The following CACNA1D variants were observed in gnomAD, a reference collection of about 807,000 sequenced individuals.
CACNA1D encodes the protein calcium voltage-gated channel subunit alpha1 D.
Under a neutral mutation model 257.1 loss-of-function variants are expected in CACNA1D, and 55 were observed. The observed-to-expected ratio is 0.21, with a 90% CI of 0.17 to 0.27. The LOEUF (loss-of-function observed/expected upper bound fraction) is 0.27. CACNA1D is among the 10% of genes least tolerant of loss of function. CACNA1D has a pLI of 1.00. For synonymous variants in CACNA1D, 980 were observed against 1,014.9 expected (o/e 0.97, Z 0.65); for missense variants, 1,876 against 2,784.0 (o/e 0.67, Z 7.34).
chr3:53,770,333 C>A, intron 31 of CACNA1D, 91 bp from the exon 32 acceptor site: 1 of 1,223,966 alleles, frequency 8.2e-7, no homozygotes, highest in Non-Finnish European at 1.2e-6. Flanking sequence ...CAGTTCTTAC[C>A]TCTGTCACCT....
chr3:53,608,952 T>A (rs2093548565), intron 3 of CACNA1D, among the ~76,000 whole-genome samples: 1 of 152,240 alleles, frequency 6.6e-6, no homozygotes, highest in Admixed American at 6.5e-5. Flanking sequence ...TTTCTTTAAA[T>A]GTCTGGTATT....
chr3:53,510,545 A>C (rs188709150), intron 3 of CACNA1D, among the ~76,000 whole-genome samples: 196 of 152,356 alleles, frequency 1.3e-3, no homozygotes, highest in East Asian at 1.9e-3. Flanking sequence ...TTCTTTGTGC[A>C]TGCAAGAAAA....
intron 3 of CACNA1D, among the ~76,000 whole-genome samples, chr3:53,613,691 GTCT>G (rs2093606770): frequency 6.6e-6 from 1 of 151,994 alleles, no homozygotes; most frequent in Non-Finnish European, 1.5e-5. Flanking sequence ...CAATGGAAAT[GTCT>G]TCTTGTCCCA....
chr3:53,521,712 C>G (rs933175670), intron 3 of CACNA1D, among the ~76,000 whole-genome samples: 1 of 152,162 alleles, frequency 6.6e-6, no homozygotes, highest in Non-Finnish European at 1.5e-5. Flanking sequence ...TTTGTCCTTT[C>G]TTCCAGAAGG....
chr3:53,757,679 C>T (rs1455242380), intron 29 of CACNA1D, among the ~76,000 whole-genome samples: 1 of 152,208 alleles, frequency 6.6e-6, no homozygotes, highest in Non-Finnish European at 1.5e-5. Flanking sequence ...ATATTTCTGC[C>T]TCATTTCCTG....
intron 3 of CACNA1D, among the ~76,000 whole-genome samples, chr3:53,634,164 G>C (rs1016864858): frequency 4.6e-5 from 7 of 152,174 alleles, no homozygotes; most frequent in Non-Finnish European, 8.8e-5. Flanking sequence ...AAATCAAGTG[G>C]CTTGACAATT....
chr3:53,745,068 TTTTA>T (rs2095154564), intron 23 of CACNA1D, among the ~76,000 whole-genome samples: 1 of 152,194 alleles, frequency 6.6e-6, no homozygotes, highest in African/African-American at 2.4e-5. Context: ...TTTATTACCT[TTTTA>T]TTAGTAGTTC....
chr3:53,752,278 G>A (rs1366237832), intron 28 of CACNA1D, among the ~76,000 whole-genome samples: 1 of 152,098 alleles, frequency 6.6e-6, no homozygotes, highest in African/African-American at 2.4e-5. Context: ...TGTGACTTGG[G>A]GAAAGTTGTT....
intron 8 of CACNA1D, among the ~76,000 whole-genome samples, chr3:53,693,498 T>G (rs952054103): frequency 6.6e-6 from 1 of 151,952 alleles, no homozygotes; most frequent in African/African-American, 2.4e-5. Context: ...CCTAGTTTCC[T>G]TGAACAGAAA....
At chr3:53,764,307 C>G (rs3774569) in intron 30 of CACNA1D, among the ~76,000 whole-genome samples, 102,538 of 152,064 alleles carry the variant, frequency 0.67, 35,223 homozygotes, top group African/African-American at 0.75. Context: ...ACATCTGCCA[C>G]CTTAATCATC....
intron 33 of CACNA1D, chr3:53,773,761 C>T (rs1217705123): frequency 6.6e-6 from 1 of 151,832 alleles, no homozygotes; most frequent in African/African-American, 2.4e-5. Context: ...AGTCAGCATA[C>T]TTGAGCCTCT....
intron 5 of CACNA1D, among the ~76,000 whole-genome samples, chr3:53,660,551 G>A (rs3774518): frequency 6.6e-6 from 1 of 152,150 alleles, no homozygotes; most frequent in Non-Finnish European, 1.5e-5. Context: ...GAGACCTTGG[G>A]TTCAGGCCTT....
intron 3 of CACNA1D, among the ~76,000 whole-genome samples, chr3:53,592,708 G>GT (rs111929661): frequency 0.051 from 7,339 of 143,828 alleles, 399 homozygotes; most frequent in African/African-American, 0.13. Flanking sequence ...CCCTAGTTCT[G>GT]TTTTTTTTTT....
At chr3:53,540,247 T>TC (rs2092260966) in intron 3 of CACNA1D, among the ~76,000 whole-genome samples, 1 of 151,760 alleles carries the variant, frequency 6.6e-6, no homozygotes. Flanking sequence ...GCCTCCTGAG[T>TC]AGTGGGGATT....
At position 53,781,555 on chromosome 3, in the gene CACNA1D, T is replaced by A; in HGVS notation, c.4691-11T>A. 6.3e-7 allele frequency: 1 copy of A among 1,596,476 alleles called. No individual in the cohort carries two copies. The highest frequency in any genetic ancestry group is 1.1e-5 in the South Asian group (1 of 90,746). On this transcript the variant is annotated splice_polypyrimidine_tract_variant and intron_variant, in intron 38 of 47. Transcript: ENST00000350061. ...GAGGCTTGCTTTTCCCCTTTTGTTT[T>A]TTGAATCCAGGGAACCTGGAGCAAG...
chr3:53,589,766 T>G (rs536892551), intron 3 of CACNA1D, among the ~76,000 whole-genome samples: 57 of 152,336 alleles, frequency 3.7e-4, no homozygotes, highest in African/African-American at 1.3e-3. Context: ...TGTGCCATTG[T>G]GCCTGGCCTT....
chr3:53,706,275 G>A (rs1018121536), intron 9 of CACNA1D, among the ~76,000 whole-genome samples: 8 of 152,312 alleles, frequency 5.3e-5, no homozygotes, highest in South Asian at 2.1e-4. Flanking sequence ...CCTGATAGCC[G>A]AGCCTCAGCC....
intron 46 of CACNA1D, 85 bp from the exon 47 acceptor site, chr3:53,809,893 C>T (rs758098705): frequency 7.0e-6 from 9 of 1,282,774 alleles, no homozygotes; most frequent in Middle Eastern, 1.8e-4. Context: ...GCGAGCGCAG[C>T]GCCGGTGCTT....
At chr3:53,777,932 C>T (rs1007042049) in intron 37 of CACNA1D, among the ~76,000 whole-genome samples, 1 of 152,222 alleles carries the variant, frequency 6.6e-6, no homozygotes, top group East Asian at 1.9e-4. Context: ...GAAATTCATA[C>T]AGTCTGCATA....
Sources: allele counts gnomAD v4.1 joint callset (sites outside exome capture counted in the v4.1 genomes callset), GRCh38; gene constraint gnomAD v4.1.1; transcripts MANE v1.5; gene names NCBI Gene and HGNC (gene_info 2026-07-23, HGNC 2026-07-21).